The following DEXI variants were observed in gnomAD, a reference collection of about 807,000 sequenced individuals.
The protein encoded by DEXI is dexamethasone-induced protein.
DEXI carries 2 observed loss-of-function variants against 2.5 expected under a neutral mutation model. That is an observed-to-expected ratio of 0.81 (90% CI 0.33 to 2.55). DEXI has a LOEUF of 2.55. DEXI is among the 30% of genes most tolerant of loss of function. The probability of loss-of-function intolerance (pLI) is 0.11; values close to 1 mark genes in which losing one functional copy is unlikely to be tolerated. For missense variants in DEXI, 108 were observed against 130.3 expected, an observed-to-expected ratio of 0.83 and a Z score of 0.83; for synonymous variants, 71 against 68.7, an observed-to-expected ratio of 1.03 and a Z score of -0.17.
At chr16:10,931,391 CA>C (rs1440531921) in intron 1 of DEXI, 1 of 152,282 alleles carries the variant, frequency 6.6e-6, no homozygotes, top group Non-Finnish European at 1.5e-5. Context: ...CCGACAGTCC[CA>C]GCCAGGCGCT....
intron 1 of DEXI, chr16:10,930,503 C>G (rs767461978): frequency 1.3e-5 from 2 of 152,074 alleles, no homozygotes; most frequent in Non-Finnish European, 2.9e-5. Flanking sequence ...CCATTGAGAC[C>G]CATGCATCGT....
At position 10,942,032 on chromosome 16, in the gene DEXI, G is replaced by A; in HGVS notation, c.-27C>T. 2.2e-6 allele frequency: 3 copies of A among 1,372,786 alleles called. No individual in the cohort carries two copies. Among genetic ancestry groups the A allele is most frequent in the South Asian group, 3.7e-5 (2 of 53,404 alleles). 85.0% of individuals were successfully genotyped at this position (1,372,786 alleles called of 1,614,324 possible). A position where few individuals can be genotyped will look rare whatever the true frequency, so the allele number is the denominator to read the frequency against. ...CAGCGGGTGGCAAGGGCGGCGGCCC[G>A]GCGATCCCGGCGAACTCAGCCGCTG... On this transcript the variant is annotated 5_prime_UTR_variant, in exon 1 of 2. Coordinates refer to ENST00000331808, the MANE Select transcript of DEXI (RefSeq NM_014015.4). The surrounding 1 kb of genome is among the most constrained non-coding windows in gnomAD (Gnocchi z 5.0).
intron 1 of DEXI, chr16:10,935,935 C>T (rs922420549): frequency 6.6e-6 from 1 of 151,892 alleles, no homozygotes; most frequent in Non-Finnish European, 1.5e-5. Flanking sequence ...TCTGGGATTG[C>T]ATCTTGGACC....
chr16:10,935,115 G>A (rs113033696), intron 1 of DEXI: 1 of 152,262 alleles, frequency 6.6e-6, no homozygotes, highest in African/African-American at 2.4e-5. Flanking sequence ...CTGTTTTACA[G>A]AGAAGGAAAC....
rs1314531900 is a variant in DEXI, at chr16:10,938,884, A to G, written c.*149+2685T>C. 6.6e-6 allele frequency: 1 copy of G among 152,236 alleles called. No individual in the cohort carries two copies. The allele number at this position is 152,236 out of a possible 1,614,324, so 9.4% of individuals were successfully genotyped here. A position where few individuals can be genotyped will look rare whatever the true frequency, so the allele number is the denominator to read the frequency against. On this transcript the variant is annotated intron_variant, in intron 1 of 1. Coordinates refer to ENST00000331808, the MANE Select transcript of DEXI (RefSeq NM_014015.4). The surrounding 1 kb of genome is among the most constrained non-coding windows in gnomAD (Gnocchi z 4.9). Reference sequence around the variant, plus strand: ...TCGAAGCATTTGGGATTCAGTTTTTAGTTCAGAATATGCCAATGTTTTCAT... The same window carrying G: ...TCGAAGCATTTGGGATTCAGTTTTTGGTTCAGAATATGCCAATGTTTTCAT...
Position 10,929,577 on chromosome 16 carries a change from G to A in DEXI, c.*150-18C>T. ...GAGCAGGTCTAACAAGAAGGAAAAA[G>A]GGGGGTTATTAGCACGGAAGCCCCA... On this transcript the variant is annotated intron_variant, in intron 1 of 1. Transcript: ENST00000331808. This position sits in a 1 kb window ranked among gnomAD's most constrained non-coding sequence, Gnocchi z 4.3. 1 of 985,350 alleles carries A rather than the reference G, an allele frequency of 1.0e-6. No individual in the cohort carries two copies. The highest frequency in any genetic ancestry group is 1.2e-6 in the Non-Finnish European group (1 of 829,874). 61.0% of individuals were successfully genotyped at this position (985,350 alleles called of 1,614,324 possible).
In DEXI at chr16:10,929,273, C is replaced by G. The variant is rs186156834; in HGVS notation, c.*436G>C. ...TGTCCGCAGTTTGAAGTGTCCTCTC[C>G]GAAGGTGAAGTGGGGGAAGCAGGTG... is the stretch of plus-strand genomic sequence containing the variant. On this transcript the variant is annotated 3_prime_UTR_variant, in exon 2 of 2. Transcript: ENST00000331808. The surrounding 1 kb of genome is among the most constrained non-coding windows in gnomAD (Gnocchi z 4.3). 1.2e-5 allele frequency: 12 copies of G among 985,804 alleles called. No individual in the cohort carries two copies. Among genetic ancestry groups the G allele is most frequent in the African/African-American group, 1.7e-5 (1 of 57,230 alleles). The allele number at this position is 985,804 out of a possible 1,614,324, so 61.1% of individuals were successfully genotyped here.
rs1481891990 is a variant in DEXI at position 10,929,436 on chromosome 16, C to T, written c.*273G>A. 3.0e-6 allele frequency: 3 copies of T among 985,874 alleles called. No individual in the cohort carries two copies. The highest frequency in any genetic ancestry group is 2.4e-6 in the Non-Finnish European group (2 of 829,960). 61.1% of individuals were successfully genotyped at this position (985,874 alleles called of 1,614,324 possible). On this transcript the variant is annotated 3_prime_UTR_variant, in exon 2 of 2. Transcript: ENST00000331808. This position sits in a 1 kb window ranked among gnomAD's most constrained non-coding sequence, Gnocchi z 4.3. ...AGATGAGGTCTTGGGATGCCTCTTG[C>T]GTTCCCCCTTCTGTGGGAGCAGGTG...
chr16:10,941,920 A>T lies in DEXI; in HGVS notation c.86T>A (p.Phe29Tyr), dbSNP rs760075613. 3 of 1,604,566 alleles carry T rather than the reference A, an allele frequency of 1.9e-6. No homozygotes were observed. The highest frequency in any genetic ancestry group is 2.5e-6 in the Non-Finnish European group (3 of 1,176,530). ...ATTGACGAAGAACAGGCCCACGTAG[A>T]ACATAGAGGGCAGCAGCGGCGGCGG... ...YVPPPLLPSM[F>Y]YVGLFFVNVL... Residue 29 changes from phenylalanine (F) to tyrosine (Y), a missense_variant, in exon 1 of 2, where the codon TTC (phenylalanine) becomes TAC (tyrosine). Transcript: ENST00000331808. The surrounding 1 kb of genome is among the most constrained non-coding windows in gnomAD (Gnocchi z 6.4).
intron 1 of DEXI, chr16:10,936,908 G>C (rs917235336): frequency 2.0e-5 from 3 of 152,210 alleles, no homozygotes; most frequent in Non-Finnish European, 4.4e-5. Flanking sequence ...AGAAGTTCTG[G>C]GAGGAAAGCT....
chr16:10,942,104 AC>A lies in DEXI; in HGVS notation c.-100del, dbSNP rs1253158890. The A allele has an allele frequency of 1.0e-6, 1 of 966,284 alleles. No homozygotes were observed. The highest frequency in any genetic ancestry group is 1.4e-6 in the Non-Finnish European group (1 of 718,038). 59.9% of individuals were successfully genotyped at this position (966,284 alleles called of 1,614,324 possible). On this transcript the variant is annotated 5_prime_UTR_variant, in exon 1 of 2. Transcript: ENST00000331808. This position sits in a 1 kb window ranked among gnomAD's most constrained non-coding sequence, Gnocchi z 5.0. ...GGGCACAGCGCAGCCATCCAGGGGTACCCTGGAGCCCGACAGAAGCAGGGCC... is the reference window on the plus strand; with the variant it reads ...GGGCACAGCGCAGCCATCCAGGGGTACCTGGAGCCCGACAGAAGCAGGGCC...
chr16:10,941,555 G>T lies in DEXI; in HGVS notation c.*149+14C>A, dbSNP rs1192850703. On this transcript the variant is annotated intron_variant, in intron 1 of 1. Coordinates refer to ENST00000331808, the MANE Select transcript of DEXI (RefSeq NM_014015.4). The surrounding 1 kb of genome is among the most constrained non-coding windows in gnomAD (Gnocchi z 6.4). Reference sequence around the variant, plus strand: ...CCCCAACCCGCCCTCATCCTGTTCAGAGAGGGCACTTACAGGCCTCGGAGG... The same window carrying T: ...CCCCAACCCGCCCTCATCCTGTTCATAGAGGGCACTTACAGGCCTCGGAGG... 2 of 1,444,432 alleles carry T rather than the reference G, an allele frequency of 1.4e-6. No individual in the cohort carries two copies. Among genetic ancestry groups the T allele is most frequent in the Non-Finnish European group, 1.8e-6 (2 of 1,096,986 alleles). 89.5% of individuals were successfully genotyped at this position (1,444,432 alleles called of 1,614,324 possible).
At chr16:10,936,433 T>C (rs1433645760) in intron 1 of DEXI, 1 of 152,192 alleles carries the variant, frequency 6.6e-6, no homozygotes, top group African/African-American at 2.4e-5. Context: ...TTATGAAAAT[T>C]ACACATATAC....
Position 10,929,223 on chromosome 16 carries a change from C to G in DEXI, c.*486G>C, listed in dbSNP as rs990296816. On this transcript the variant is annotated 3_prime_UTR_variant, in exon 2 of 2. Coordinates refer to ENST00000331808, the MANE Select transcript of DEXI (RefSeq NM_014015.4). The surrounding 1 kb of genome is among the most constrained non-coding windows in gnomAD (Gnocchi z 4.3). Reference sequence around the variant, plus strand: ...GCCTGAAGGCTCAACTCACATCAAACGGAGCTGGGAGTCGCTTTTGCGTGT... The same window carrying G: ...GCCTGAAGGCTCAACTCACATCAAAGGGAGCTGGGAGTCGCTTTTGCGTGT... 1 of 985,766 alleles carries G rather than the reference C, an allele frequency of 1.0e-6. No homozygotes were observed. Among genetic ancestry groups the G allele is most frequent in the Admixed American group, 6.1e-5 (1 of 16,264 alleles). The allele number at this position is 985,766 out of a possible 1,614,324, so 61.1% of individuals were successfully genotyped here.
At position 10,929,417 on chromosome 16, in the gene DEXI, G is replaced by T. The variant is rs754908130; in HGVS notation, c.*292C>A. On this transcript the variant is annotated 3_prime_UTR_variant, in exon 2 of 2. Transcript: ENST00000331808. This position sits in a 1 kb window ranked among gnomAD's most constrained non-coding sequence, Gnocchi z 4.3. ...TCGATTTGACACTGCAGGCAGATGA[G>T]GTCTTGGGATGCCTCTTGCGTTCCC... 1.0e-6 allele frequency: 1 copy of T among 985,874 alleles called. No individual in the cohort carries two copies. The highest frequency in any genetic ancestry group is 4.7e-5 in the South Asian group (1 of 21,286). 61.1% of individuals were successfully genotyped at this position (985,874 alleles called of 1,614,324 possible). A position where few individuals can be genotyped will look rare whatever the true frequency, so the allele number is the denominator to read the frequency against.
At position 10,941,553 on chromosome 16, in the gene DEXI, C is replaced by T. The variant is rs1299722395; in HGVS notation, c.*149+16G>A. 14 of 1,443,038 alleles carry T rather than the reference C, an allele frequency of 9.7e-6. No individual in the cohort carries two copies. Among genetic ancestry groups the T allele is most frequent in the African/African-American group, 1.4e-5 (1 of 69,578 alleles). 89.4% of individuals were successfully genotyped at this position (1,443,038 alleles called of 1,614,324 possible). A position where few individuals can be genotyped will look rare whatever the true frequency, so the allele number is the denominator to read the frequency against. On this transcript the variant is annotated intron_variant, in intron 1 of 1. Coordinates refer to ENST00000331808, the MANE Select transcript of DEXI (RefSeq NM_014015.4). This position sits in a 1 kb window ranked among gnomAD's most constrained non-coding sequence, Gnocchi z 6.4. The stretch of plus-strand genomic sequence containing the variant: ...CGCCCCAACCCGCCCTCATCCTGTT[C>T]AGAGAGGGCACTTACAGGCCTCGGA...
rs1356603963 is a variant in DEXI at position 10,941,805 on chromosome 16, G to C, written c.201C>G (p.Leu67=). 4 of 1,613,616 alleles carry C rather than the reference G, an allele frequency of 2.5e-6. No homozygotes were observed. The highest frequency in any genetic ancestry group is 2.2e-5 in the East Asian group (1 of 44,890). The change falls in exon 1 of 2, where the codon CTC becomes CTG. Residue 67 remains leucine, a synonymous_variant. Coordinates refer to ENST00000331808, the MANE Select transcript of DEXI (RefSeq NM_014015.4). The surrounding 1 kb of genome is among the most constrained non-coding windows in gnomAD (Gnocchi z 6.4). The part of the protein sequence containing the change: ...VFLPEDMDQA[L]VDLGVLSDPG... Reference sequence around the variant, plus strand: ...GGTCGGAGAGCACGCCGAGGTCCACGAGCGCCTGGTCCATGTCCTCGGGCA... The same window carrying C: ...GGTCGGAGAGCACGCCGAGGTCCACCAGCGCCTGGTCCATGTCCTCGGGCA...
chr16:10,941,599 T>C lies in DEXI; in HGVS notation c.*119A>G. 6.7e-7 allele frequency: 1 copy of C among 1,486,304 alleles called. No individual in the cohort carries two copies. The highest frequency in any genetic ancestry group is 8.9e-7 in the Non-Finnish European group (1 of 1,119,252). The allele number at this position is 1,486,304 out of a possible 1,614,324, so 92.1% of individuals were successfully genotyped here. On this transcript the variant is annotated 3_prime_UTR_variant, in exon 1 of 2. Coordinates refer to ENST00000331808, the MANE Select transcript of DEXI (RefSeq NM_014015.4). This position sits in a 1 kb window ranked among gnomAD's most constrained non-coding sequence, Gnocchi z 6.4. ...TCGGAGGCAGGGGAGGGTCTCCTCC[T>C]GGGGAACCATCCCCGTCCAGATGGT... is the stretch of plus-strand genomic sequence containing the variant.
In DEXI at chr16:10,937,106, G is replaced by A. The variant is rs2041039162; in HGVS notation, c.*149+4463C>T. On this transcript the variant is annotated intron_variant, in intron 1 of 1. Transcript: ENST00000331808. This position sits in a 1 kb window ranked among gnomAD's most constrained non-coding sequence, Gnocchi z 4.2. ...ATCTCACTGTCTTGAGACACATACTGGGGTTTTCTCCTGTCTGAAGACGCA... is the reference window on the plus strand; with the variant it reads ...ATCTCACTGTCTTGAGACACATACTAGGGTTTTCTCCTGTCTGAAGACGCA... 6.6e-6 allele frequency: 1 copy of A among 152,234 alleles called. No individual in the cohort carries two copies. Among genetic ancestry groups the A allele is most frequent in the Non-Finnish European group, 1.5e-5 (1 of 68,076 alleles). The allele number at this position is 152,234 out of a possible 1,614,324, so 9.4% of individuals were successfully genotyped here.
Sources: gnomAD v4.1 joint callset for allele counts on GRCh38, gnomAD v4.1.1 for gene constraint, Gnocchi (gnomAD v3.1) non-coding constraint, MANE v1.5 for transcripts, NCBI Gene and HGNC (gene_info 2026-07-23, HGNC 2026-07-21) for gene names.